The following NAV1 variants were observed in gnomAD, a reference collection of about 807,000 sequenced individuals.
The protein encoded by NAV1 is pore membrane and/or filament interacting like protein 3.
In NAV1, 18 loss-of-function variants were observed where a neutral mutation model predicts 175.2. That is an observed-to-expected ratio of 0.10 (90% CI 0.07 to 0.15). The LOEUF (loss-of-function observed/expected upper bound fraction) is 0.15, where lower values mean the gene tolerates loss of function less well. Ranked by LOEUF, NAV1 falls within the 10% of genes least tolerant of loss-of-function variation. NAV1 has a pLI of 1.00. For missense variants in NAV1, 1,731 were observed against 2,436.6 expected, an observed-to-expected ratio of 0.71 and a Z score of 6.10; for synonymous variants, 897 against 978.7, an observed-to-expected ratio of 0.92 and a Z score of 1.56.
intron 1 of NAV1, among the ~76,000 whole-genome samples, chr1:201,676,358 T>C (rs1054369344): frequency 4.6e-5 from 7 of 152,218 alleles, no homozygotes; most frequent in African/African-American, 1.7e-4. Context: ...GCTCAGGGAC[T>C]CTTTCTCTCC....
chr1:201,581,510 G>A (rs917548069), intron 1 of NAV1, among the ~76,000 whole-genome samples: 2 of 152,240 alleles, frequency 1.3e-5, no homozygotes, highest in African/African-American at 4.8e-5. Flanking sequence ...AGATTTGAGA[G>A]TCATTACATA....
rs1678602878 is a variant in NAV1 at position 201,810,214 on chromosome 1, T to C, written c.4561+109T>C. ...CCAAGAACTCACTGAGAAGGTATAA[T>C]ATGAAGATGCTTAAGTAATGTGAGA... On this transcript the variant is annotated intron_variant, in intron 23 of 29. Coordinates refer to ENST00000367296, the Ensembl canonical transcript of NAV1. The surrounding 1 kb of genome is among the most constrained non-coding windows in gnomAD (Gnocchi z 6.0). The C allele has an allele frequency of 8.5e-6, 12 of 1,407,404 alleles. No individual in the cohort carries two copies. Among genetic ancestry groups the C allele is most frequent in the African/African-American group, 2.9e-5 (2 of 70,172 alleles). 87.2% of individuals were successfully genotyped at this position (1,407,404 alleles called of 1,614,324 possible). A position where few individuals can be genotyped will look rare whatever the true frequency, so the allele number is the denominator to read the frequency against.
At chr1:201,581,473 G>A (rs1448654772) in intron 1 of NAV1, among the ~76,000 whole-genome samples, 9 of 152,192 alleles carry the variant, frequency 5.9e-5, no homozygotes, top group Non-Finnish European at 1.0e-4. Flanking sequence ...AAGTGTCTCA[G>A]TGGAGAAGTT....
chr1:201,772,819 G>A (rs891561061), intron 3 of NAV1, among the ~76,000 whole-genome samples: 1 of 152,226 alleles, frequency 6.6e-6, no homozygotes, highest in East Asian at 1.9e-4. Context: ...GGATCACGAG[G>A]TCAGGAGATC....
At chr1:201,661,514 T>C (rs1167491450) in intron 1 of NAV1, among the ~76,000 whole-genome samples, 1 of 152,170 alleles carries the variant, frequency 6.6e-6, no homozygotes, top group Non-Finnish European at 1.5e-5. Flanking sequence ...AGTGGGGGCC[T>C]GAAATAAGCT....
intron 1 of NAV1, among the ~76,000 whole-genome samples, chr1:201,689,786 C>A (rs144219076): frequency 6.6e-6 from 1 of 152,120 alleles, no homozygotes; most frequent in African/African-American, 2.4e-5. Context: ...GAGAGATGTG[C>A]GATTGGGGGA....
chr1:201,635,987 G>T (rs1263375191), intron 2 of NAV1, among the ~76,000 whole-genome samples: 1 of 152,224 alleles, frequency 6.6e-6, no homozygotes, highest in East Asian at 1.9e-4. Context: ...AGCTATGGGA[G>T]GCGGAACTAT....
In NAV1 at chr1:201,623,620, C is replaced by T; in HGVS notation, c.-101+14C>T. The T allele has an allele frequency of 1.0e-6, 1 of 986,384 alleles. No individual in the cohort carries two copies. Among genetic ancestry groups the T allele is most frequent in the Non-Finnish European group, 1.2e-6 (1 of 830,348 alleles). The allele number at this position is 986,384 out of a possible 1,614,324, so 61.1% of individuals were successfully genotyped here. ...CTTCCAGTACAGGTGAGCTGGGGAG[C>T]AGGCAGGGAGGGAAGGGGGAAGAGC... On this transcript the variant is annotated intron_variant, in intron 1 of 29. Coordinates refer to the NAV1 transcript ENST00000367302.
At chr1:201,627,628 C>T (rs376129340) in intron 1 of NAV1, among the ~76,000 whole-genome samples, 8 of 151,134 alleles carry the variant, frequency 5.3e-5, no homozygotes, top group East Asian at 1.9e-4. Flanking sequence ...CTGGCCCAGA[C>T]GCTGTGCTTA....
Position 201,812,315 on chromosome 1 carries a change from C to T in NAV1, c.5025-150C>T, listed in dbSNP as rs562932004. ...GCTCTACCACCCCAGGGCTGCTGCTCTGAGTTCCGATGTCCCCACTATTAC... is the reference window on the plus strand; with the variant it reads ...GCTCTACCACCCCAGGGCTGCTGCTTTGAGTTCCGATGTCCCCACTATTAC... On this transcript the variant is annotated intron_variant, in intron 26 of 29. Coordinates refer to ENST00000367296, the Ensembl canonical transcript of NAV1. This position sits in a 1 kb window ranked among gnomAD's most constrained non-coding sequence, Gnocchi z 4.6. 74 of 764,248 alleles carry T rather than the reference C, an allele frequency of 9.7e-5. No homozygotes were observed. The highest frequency in any genetic ancestry group is 8.9e-4 in the South Asian group (50 of 56,390). 47.3% of individuals were successfully genotyped at this position (764,248 alleles called of 1,614,324 possible).
chr1:201,588,146 CA>C (rs1345106749), intron 1 of NAV1, among the ~76,000 whole-genome samples: 1 of 151,846 alleles, frequency 6.6e-6, no homozygotes, highest in Non-Finnish European at 1.5e-5. Flanking sequence ...TCATAATAGC[CA>C]AAAAAGTGGA....
chr1:201,542,028 G>C (rs566321637), intron 1 of NAV1, among the ~76,000 whole-genome samples: 2 of 152,236 alleles, frequency 1.3e-5, no homozygotes, highest in South Asian at 4.1e-4. Context: ...GAATGTCAAA[G>C]TTAAAAGGAT....
At chr1:201,643,240 TTCCTTCCTTCCTCCC>T (rs1668863885), upstream of NAV1, among the ~76,000 whole-genome samples, 2 of 145,670 alleles carry the variant, frequency 1.4e-5, no homozygotes, top group South Asian at 2.2e-4. Flanking sequence ...CTTTCTTTCT[TTCCTTCCTTCCTCCC>T]TCCTTCCTTC....
intron 3 of NAV1, among the ~76,000 whole-genome samples, chr1:201,763,983 C>G (rs1675026665): frequency 6.6e-6 from 1 of 152,184 alleles, no homozygotes; most frequent in Non-Finnish European, 1.5e-5. Context: ...CAAGTCCAAG[C>G]AGCAATGATA....
At chr1:201,654,812 C>G (rs1487545191) in intron 1 of NAV1, among the ~76,000 whole-genome samples, 1 of 152,130 alleles carries the variant, frequency 6.6e-6, no homozygotes, top group Non-Finnish European at 1.5e-5. Flanking sequence ...GGTGGGTGTT[C>G]TGTTTACACT....
chr1:201,765,637 C>T (rs149296463), intron 3 of NAV1, among the ~76,000 whole-genome samples: 455 of 152,146 alleles, frequency 3.0e-3, no homozygotes, highest in African/African-American at 0.01. Context: ...TCAGGCGATC[C>T]GCCCACTTTA....
rs114795303 is a variant in NAV1, at chr1:201,808,425, G to A, written c.3853G>A (p.Ala1285Thr). ...ACTCTTGCTATCTTACAGGGGCCCT[G>A]CTCACCCAGCCCCCCACACTAGGCT... Residue 1285 changes from alanine (A) to threonine (T), a missense_variant, in exon 19 of 30, where the codon GCT becomes ACT. This residue lies in a region of NAV1 where 146 missense variants were observed against 176.8 expected (regional missense o/e 0.83). Coordinates refer to ENST00000367296, the Ensembl canonical transcript of NAV1. The surrounding 1 kb of genome is among the most constrained non-coding windows in gnomAD (Gnocchi z 5.5). 5.4e-4 allele frequency: 872 copies of A among 1,611,532 alleles called. 2 individuals carry two copies. In the African/African-American group the frequency reaches 9.9e-3, roughly 18 times the overall value.
At chr1:201,577,669 A>G (rs974202402) in intron 1 of NAV1, among the ~76,000 whole-genome samples, 1 of 152,088 alleles carries the variant, frequency 6.6e-6, no homozygotes, top group Admixed American at 6.6e-5. Flanking sequence ...CTATTCTTTT[A>G]GAGTAGTCCT....
Position 201,782,752 on chromosome 1 carries a change from C to T in NAV1, c.2240C>T (p.Ala747Val). Residue 747 changes from alanine to valine, a missense_variant, in exon 6 of 30, where the codon GCC (alanine) becomes GTC (valine). This residue lies in a region of NAV1 where 634 missense variants were observed against 766.8 expected (regional missense o/e 0.83). Coordinates refer to ENST00000367296, the Ensembl canonical transcript of NAV1. This position sits in a 1 kb window ranked among gnomAD's most constrained non-coding sequence, Gnocchi z 5.4. ...GAGAAGGCCAAAGCCAAGGCAGTGG[C>T]CTTGGACTCAGACAACATCTCCTTG... 1.9e-6 allele frequency: 3 copies of T among 1,614,122 alleles called. No individual in the cohort carries two copies. Among genetic ancestry groups the T allele is most frequent in the Non-Finnish European group, 2.5e-6 (3 of 1,180,008 alleles).
Sources: gnomAD v4.1 joint callset for allele counts (sites outside exome capture counted in the v4.1 genomes callset) on GRCh38, gnomAD v4.1.1 for gene constraint, gnomAD v4.1.1 regional missense constraint, Gnocchi (gnomAD v3.1) non-coding constraint, MANE v1.5 for transcripts, NCBI Gene and HGNC (gene_info 2026-07-23, HGNC 2026-07-21) for gene names.